Variants in CNTNAP2 observed in about 807,000 individuals in gnomAD.
CNTNAP2 encodes the protein contactin associated protein 2.
Under a neutral mutation model 155.2 loss-of-function variants are expected in CNTNAP2, and 98 were observed. The observed-to-expected ratio is 0.63, with a 90% CI of 0.54 to 0.75. CNTNAP2 has a LOEUF of 0.75. Among genes scored for constraint, CNTNAP2 ranks in the 30% least tolerant of loss-of-function variants. The probability of loss-of-function intolerance (pLI) is 0.00; values close to 1 mark genes in which losing one functional copy is unlikely to be tolerated. For synonymous variants in CNTNAP2, 651 were observed against 631.2 expected (o/e 1.03, Z -0.47); for missense variants, 1,727 against 1,688.1 (o/e 1.02, Z -0.40).
chr7:147,294,745 A>G (rs938175978), intron 8 of CNTNAP2, among the ~76,000 whole-genome samples: 1 of 151,802 alleles, frequency 6.6e-6, no homozygotes, highest in East Asian at 1.9e-4. Flanking sequence ...TGCAACCTCC[A>G]CATCCCGGGT....
At chr7:146,626,183 A>G (rs948202395) in intron 1 of CNTNAP2, among the ~76,000 whole-genome samples, 13 of 152,198 alleles carry the variant, frequency 8.5e-5, no homozygotes, top group Admixed American at 5.2e-4. Flanking sequence ...AATGAAACAC[A>G]TTAACAATAA....
At chr7:148,265,495 G>A (rs1796651235) in intron 20 of CNTNAP2, among the ~76,000 whole-genome samples, 1 of 152,054 alleles carries the variant, frequency 6.6e-6, no homozygotes, top group Admixed American at 6.5e-5. Flanking sequence ...GGCTGGTCTT[G>A]TACTCCTGGA....
chr7:147,786,975 G>A (rs548598352), intron 13 of CNTNAP2, among the ~76,000 whole-genome samples: 18 of 151,672 alleles, frequency 1.2e-4, no homozygotes, highest in Admixed American at 1.2e-3. Flanking sequence ...TCTCGAAGAA[G>A]GAAAGAAGGG....
chr7:148,184,913 A>G (rs1044726012), intron 18 of CNTNAP2, among the ~76,000 whole-genome samples: 3 of 152,260 alleles, frequency 2.0e-5, no homozygotes, highest in African/African-American at 4.8e-5. Context: ...TTTGAAAAGC[A>G]TTAATGTTAT....
intron 3 of CNTNAP2, among the ~76,000 whole-genome samples, chr7:146,983,846 T>A (rs1332311347): frequency 6.6e-6 from 1 of 152,230 alleles, no homozygotes; most frequent in Non-Finnish European, 1.5e-5. Context: ...AGGAACTGGT[T>A]AACAGCTTCA....
At chr7:147,401,127 G>C (rs189561942) in intron 10 of CNTNAP2, among the ~76,000 whole-genome samples, 204 of 152,270 alleles carry the variant, frequency 1.3e-3, no homozygotes, top group African/African-American at 4.7e-3. Context: ...GTTAGAGCCA[G>C]CACTAGTAAA....
intron 1 of CNTNAP2, among the ~76,000 whole-genome samples, chr7:146,724,074 C>T (rs1801386470): frequency 1.3e-5 from 2 of 152,080 alleles, no homozygotes; most frequent in South Asian, 4.1e-4. Context: ...GATGTTGCAG[C>T]CTGGGTAGTA....
At chr7:146,924,412 C>T (rs1332172685) in intron 3 of CNTNAP2, among the ~76,000 whole-genome samples, 1 of 152,020 alleles carries the variant, frequency 6.6e-6, no homozygotes, top group African/African-American at 2.4e-5. Context: ...CTACAGCCTC[C>T]CTCTCTGATT....
chr7:147,372,931 T>C (rs59632796), intron 9 of CNTNAP2, among the ~76,000 whole-genome samples: 11,504 of 152,066 alleles, frequency 0.076, 718 homozygotes, highest in African/African-American at 0.17. Context: ...TTCCTCTCTG[T>C]CTCCCCTTTC....
intron 3 of CNTNAP2, among the ~76,000 whole-genome samples, chr7:147,035,065 GC>G: frequency 6.6e-6 from 1 of 152,142 alleles, no homozygotes; most frequent in East Asian, 1.9e-4. Flanking sequence ...ACCAGATCCT[GC>G]TTTAATCAGT....
chr7:147,447,127 G>A (rs970339264), intron 10 of CNTNAP2, among the ~76,000 whole-genome samples: 2 of 152,146 alleles, frequency 1.3e-5, no homozygotes, highest in Non-Finnish European at 2.9e-5. Context: ...AGATTCAGCT[G>A]TGAACTAGAT....
chr7:147,887,897 T>C (rs1166858099), intron 13 of CNTNAP2, among the ~76,000 whole-genome samples: 1 of 152,230 alleles, frequency 6.6e-6, no homozygotes, highest in African/African-American at 2.4e-5. Context: ...CTGATGCATG[T>C]TTACAGCCTA....
intron 16 of CNTNAP2, among the ~76,000 whole-genome samples, chr7:148,142,105 G>GTGTGTGTGTGTGTGTT (rs1805086362): frequency 6.6e-6 from 1 of 150,818 alleles, no homozygotes; most frequent in African/African-American, 2.4e-5. Context: ...GTGTGTGTGT[G>GTGTGTGTGTGTGTGTT]TGTGTGTGTG....
intron 9 of CNTNAP2, among the ~76,000 whole-genome samples, chr7:147,347,477 C>CATATAT (rs376714937): frequency 6.0e-4 from 18 of 30,172 alleles, no homozygotes; most frequent in East Asian, 2.8e-3. Flanking sequence ...TATATATATG[C>CATATAT]ATATATATAT....
intron 1 of CNTNAP2, among the ~76,000 whole-genome samples, chr7:146,746,003 C>T (rs1253561193): frequency 1.3e-5 from 2 of 152,124 alleles, no homozygotes; most frequent in Non-Finnish European, 2.9e-5. Context: ...TCTTCTCTAG[C>T]CTTTTGGCTG....
chr7:147,900,000 G>A (rs1004468563), intron 13 of CNTNAP2, among the ~76,000 whole-genome samples: 5 of 151,928 alleles, frequency 3.3e-5, no homozygotes, highest in Middle Eastern at 3.4e-3. Context: ...TTTTCTTCCC[G>A]CCATTCACCT....
At chr7:147,608,179 T>C (rs571500899) in intron 12 of CNTNAP2, among the ~76,000 whole-genome samples, 73 of 147,400 alleles carry the variant, frequency 5.0e-4, no homozygotes, top group Non-Finnish European at 7.6e-4. Context: ...ACACTTACCA[T>C]AGAATAATTA....
At chr7:147,443,886 A>C (rs938353288) in intron 10 of CNTNAP2, among the ~76,000 whole-genome samples, 6 of 152,244 alleles carry the variant, frequency 3.9e-5, no homozygotes, top group African/African-American at 1.4e-4. Context: ...ATTCTATTTC[A>C]GGAAGATTAT....
chr7:146,297,142 C>T (rs911320790), intron 1 of CNTNAP2, among the ~76,000 whole-genome samples: 3 of 151,936 alleles, frequency 2.0e-5, no homozygotes, highest in Admixed American at 1.3e-4. Context: ...ATATTATTTC[C>T]ATCATTTGTT....
Sources: gnomAD v4.1 joint callset for allele counts (sites outside exome capture counted in the v4.1 genomes callset) on GRCh38, gnomAD v4.1.1 for gene constraint, MANE v1.5 for transcripts, NCBI Gene and HGNC (gene_info 2026-07-23, HGNC 2026-07-21) for gene names.